The following SPATA33 variants were observed in gnomAD, a reference collection of about 807,000 sequenced individuals.
The protein encoded by SPATA33 is spermatogenesis-associated protein 33.
A neutral mutation model predicts 8.9 loss-of-function variants in SPATA33; 10 were observed. That is an observed-to-expected ratio of 1.12 (90% CI 0.69 to 1.90). SPATA33 has a LOEUF of 1.90. Ranked by LOEUF, SPATA33 falls within the 40% of genes most tolerant of loss-of-function variation. The probability of loss-of-function intolerance (pLI) is 0.00; values close to 1 mark genes in which losing one functional copy is unlikely to be tolerated. For synonymous variants in SPATA33, 96 were observed against 72.8 expected, an observed-to-expected ratio of 1.32 and a Z score of -1.63; for missense variants, 241 against 178.3, an observed-to-expected ratio of 1.35 and a Z score of -2.00.
At chr16:89,660,757 G>C (rs2059956209) in intron 2 of SPATA33, 1 of 834,172 alleles carries the variant, frequency 1.2e-6, no homozygotes, top group East Asian at 3.4e-5. Context: ...GAGCACAAGA[G>C]GACTTTGGAG....
chr16:89,669,157 T>C lies in SPATA33; in HGVS notation c.212-129T>C, dbSNP rs1026440030. On this transcript the variant is annotated intron_variant, in intron 2 of 2. Transcript: ENST00000579310. Reference sequence around the variant, plus strand: ...GTTCATGGACAGTTTTGATCACTTTTGGACTCACCCATTTTTTCTGCTAAC... The same window carrying C: ...GTTCATGGACAGTTTTGATCACTTTCGGACTCACCCATTTTTTCTGCTAAC... 1.0e-5 allele frequency: 8 copies of C among 800,844 alleles called. No homozygotes were observed. In the Admixed American group the frequency reaches 1.1e-4, roughly 11 times the overall value. 49.6% of individuals were successfully genotyped at this position (800,844 alleles called of 1,614,324 possible). A position where few individuals can be genotyped will look rare whatever the true frequency, so the allele number is the denominator to read the frequency against.
intron 2 of SPATA33, chr16:89,658,692 C>T (rs2059921340): frequency 2.0e-6 from 1 of 496,868 alleles, no homozygotes; most frequent in East Asian, 3.5e-5. Context: ...GCGTGTGTCT[C>T]ACCTGAGGTT....
At position 89,657,857 on chromosome 16, in the gene SPATA33, G is replaced by C. The variant is rs936228584; in HGVS notation, c.-55G>C. 3.8e-5 allele frequency: 57 copies of C among 1,509,642 alleles called. 3 individuals carry two copies. The highest frequency in any genetic ancestry group is 3.3e-4 in the African/African-American group (23 of 69,040). The allele number at this position is 1,509,642 out of a possible 1,614,324, so 93.5% of individuals were successfully genotyped here. The stretch of plus-strand genomic sequence containing the variant: ...TTTTGTGAGTCGCTCCCGGCTCCGC[G>C]GCCGCGGAGGTGTGGGGACCCGGGC... On this transcript the variant is annotated 5_prime_UTR_variant, in exon 1 of 3. Coordinates refer to ENST00000579310, the MANE Select transcript of SPATA33 (RefSeq NM_001271907.2).
intron 1 of SPATA33, 100 bp downstream of exon 1, chr16:89,658,048 G>A: frequency 6.9e-7 from 1 of 1,456,142 alleles, no homozygotes; most frequent in South Asian, 1.5e-5. Flanking sequence ...GCAGGCGCCA[G>A]GCTCGGCCCG....
intron 2 of SPATA33, chr16:89,660,535 T>C: frequency 1.6e-6 from 2 of 1,231,856 alleles, no homozygotes; most frequent in Non-Finnish European, 2.0e-6. Context: ...ACGCTCTCCA[T>C]GCAGTGACGG....
In SPATA33 at chr16:89,669,360, A is replaced by C; in HGVS notation, c.286A>C (p.Asn96His). Reference protein sequence around the residue: ...VPQIIITRASNETLVSCSSSG... With the variant: ...VPQIIITRASHETLVSCSSSG... ...ACAGATCATCATCACGCGAGCGTCG[A>C]ATGAGACGCTAGTCAGTTGCAGTTC... The change falls in exon 3 of 3, where the codon AAT (asparagine) becomes CAT (histidine). Residue 96 changes from asparagine to histidine, a missense_variant. Coordinates refer to ENST00000579310, the MANE Select transcript of SPATA33 (RefSeq NM_001271907.2). 1 of 1,614,184 alleles carries C rather than the reference A, an allele frequency of 6.2e-7. No individual in the cohort carries two copies. The highest frequency in any genetic ancestry group is 1.7e-5 in the Admixed American group (1 of 60,032).
At chr16:89,665,978 G>A (rs2060020396) in intron 2 of SPATA33, among the ~76,000 whole-genome samples, 1 of 152,112 alleles carries the variant, frequency 6.6e-6, no homozygotes, top group Non-Finnish European at 1.5e-5. Context: ...TACTTGGGGA[G>A]GCTGGGGCAG....
At position 89,670,027 on chromosome 16, in the gene SPATA33, T is replaced by C. The variant is rs1416466560; in HGVS notation, c.*530T>C. 2.2e-4 allele frequency: 19 copies of C among 87,146 alleles called. No individual in the cohort carries two copies. Among genetic ancestry groups the C allele is most frequent in the African/African-American group, 3.8e-4 (8 of 21,228 alleles). The allele number at this position is 87,146 out of a possible 1,614,324, so 5.4% of individuals were successfully genotyped here. A position where few individuals can be genotyped will look rare whatever the true frequency, so the allele number is the denominator to read the frequency against. On this transcript the variant is annotated 3_prime_UTR_variant, in exon 3 of 3. Coordinates refer to ENST00000579310, the MANE Select transcript of SPATA33 (RefSeq NM_001271907.2). ...AAGCCATGGCCCCTTCTCCAGTGCT[T>C]TTGGGGAGGGTGCACCAGGGCCACC...
chr16:89,668,033 C>G (rs527960113), intron 2 of SPATA33: 1 of 152,352 alleles, frequency 6.6e-6, no homozygotes. Context: ...CACCGTTGGC[C>G]GGGCGCATTG....
chr16:89,662,110 G>T (rs990594171), intron 2 of SPATA33, among the ~76,000 whole-genome samples: 1 of 151,996 alleles, frequency 6.6e-6, no homozygotes, highest in African/African-American at 2.4e-5. Context: ...TGGCCAACAT[G>T]GTGAAACCCT....
In SPATA33 at chr16:89,657,935, GA is replaced by G. The variant is rs1033495248; in HGVS notation, c.27del (p.Lys9AsnfsTer23). 6.6e-7 allele frequency: 1 copy of G among 1,517,840 alleles called. No individual in the cohort carries two copies. Among genetic ancestry groups the G allele is most frequent in the Non-Finnish European group, 8.8e-7 (1 of 1,139,982 alleles). The allele number at this position is 1,517,840 out of a possible 1,614,324, so 94.0% of individuals were successfully genotyped here. A position where few individuals can be genotyped will look rare whatever the true frequency, so the allele number is the denominator to read the frequency against. ...CCATGGGCCTTTCCAAAAGCAAAGAGAAACCCAGGAAAGGTAAAGGAGGCGC... is the reference window on the plus strand; with the variant it reads ...CCATGGGCCTTTCCAAAAGCAAAGAGAACCCAGGAAAGGTAAAGGAGGCGC... MGLSKSKEKPRKGEEQKKG... is the reference protein window; with the variant it reads MGLSKSKEXPRKGEEQKKG... On this transcript the variant is annotated frameshift_variant, in exon 1 of 3. Transcript: ENST00000579310. LOFTEE classifies it high-confidence loss of function.
At chr16:89,658,971 T>C (rs1454444190) in intron 2 of SPATA33, 1 of 153,926 alleles carries the variant, frequency 6.5e-6, no homozygotes, top group Non-Finnish European at 1.4e-5. Flanking sequence ...TTTCCATCAG[T>C]TTTACCACGT....
At chr16:89,668,359 C>A (rs893809210) in intron 2 of SPATA33, among the ~76,000 whole-genome samples, 4 of 152,240 alleles carry the variant, frequency 2.6e-5, no homozygotes, top group African/African-American at 9.6e-5. Flanking sequence ...CCATTGCCAG[C>A]AGTCCATCCT....
intron 2 of SPATA33, among the ~76,000 whole-genome samples, chr16:89,662,308 T>TA: frequency 6.7e-6 from 1 of 148,816 alleles, no homozygotes; most frequent in South Asian, 2.1e-4. Context: ...AAAAAAAAGA[T>TA]ACTCAGGAAA....
chr16:89,666,285 A>G (rs2060024512), intron 2 of SPATA33, among the ~76,000 whole-genome samples: 1 of 152,116 alleles, frequency 6.6e-6, no homozygotes, highest in African/African-American at 2.4e-5. Flanking sequence ...CTGGGAGGTT[A>G]GGACTGTAGT....
At chr16:89,660,276 A>C (rs912830908) in intron 2 of SPATA33, 9 of 383,836 alleles carry the variant, frequency 2.3e-5, no homozygotes, top group Admixed American at 1.8e-4. Context: ...TTTCCCAGGA[A>C]GGCTTCGCCT....
At chr16:89,664,288 C>T (rs2059996895) in intron 2 of SPATA33, among the ~76,000 whole-genome samples, 1 of 152,186 alleles carries the variant, frequency 6.6e-6, no homozygotes, top group South Asian at 2.1e-4. Flanking sequence ...ATCAGGGGCT[C>T]GGACACGTTG....
intron 2 of SPATA33, chr16:89,661,598 T>A (rs1165076581): frequency 6.6e-6 from 1 of 152,222 alleles, no homozygotes; most frequent in Non-Finnish European, 1.5e-5. Flanking sequence ...CTTCTGTATA[T>A]GCTTAAATTT....
In SPATA33 at chr16:89,670,426, A is replaced by G. The variant is rs1417546088; in HGVS notation, c.*929A>G. 2 of 152,408 alleles carry G rather than the reference A, an allele frequency of 1.3e-5. No homozygotes were observed. Among genetic ancestry groups the G allele is most frequent in the East Asian group, 3.9e-4 (2 of 5,194 alleles). The allele number at this position is 152,408 out of a possible 1,614,324, so 9.4% of individuals were successfully genotyped here. A position where few individuals can be genotyped will look rare whatever the true frequency, so the allele number is the denominator to read the frequency against. ...TCAGAGAGCGAGCTTTGTGGTATTG[A>G]TAAATGAATAAATTAGTATGTTCAT... On this transcript the variant is annotated 3_prime_UTR_variant, in exon 3 of 3. Transcript: ENST00000579310.
Sources: allele counts gnomAD v4.1 joint callset (sites outside exome capture counted in the v4.1 genomes callset), GRCh38; gene constraint gnomAD v4.1.1; transcripts MANE v1.5; gene names NCBI Gene and HGNC (gene_info 2026-07-23, HGNC 2026-07-21).